Variants in CABCOCO1 observed in about 807,000 individuals in gnomAD.
CABCOCO1 encodes ciliary associated calcium binding coiled-coil 1.
A neutral mutation model predicts 35.7 loss-of-function variants in CABCOCO1; 28 were observed. The observed-to-expected ratio is 0.78, with a 90% confidence interval of 0.58 to 1.07. The LOEUF is 1.07. Ranked by LOEUF, CABCOCO1 falls within the 50% of genes least tolerant of loss-of-function variation. The pLI is 0.00. For synonymous variants in CABCOCO1, 95 were observed against 100.1 expected (o/e 0.95, Z 0.30); for missense variants, 326 against 309.2 (o/e 1.05, Z -0.41).
At chr10:61,748,371 A>T (rs1841710222) in intron 5 of CABCOCO1, among the ~76,000 whole-genome samples, 1 of 152,216 alleles carries the variant, frequency 6.6e-6, no homozygotes, top group Non-Finnish European at 1.5e-5. Context: ...TTACCCTCAG[A>T]GAGTTTTGTT....
chr10:61,742,418 C>A (rs1841569604), intron 5 of CABCOCO1, among the ~76,000 whole-genome samples: 1 of 152,068 alleles, frequency 6.6e-6, no homozygotes, highest in Admixed American at 6.6e-5. Context: ...ATGCAAGATG[C>A]TCCACCAGAA....
intron 5 of CABCOCO1, among the ~76,000 whole-genome samples, chr10:61,703,961 C>T (rs1840531469): frequency 6.6e-6 from 1 of 152,046 alleles, no homozygotes; most frequent in South Asian, 2.1e-4. Context: ...CCTGTAATCC[C>T]AGCACTTTGG....
intron 2 of CABCOCO1, among the ~76,000 whole-genome samples, chr10:61,679,036 T>C (rs976310558): frequency 2.6e-5 from 4 of 152,168 alleles, no homozygotes; most frequent in Admixed American, 2.6e-4. Context: ...TATTTTGATG[T>C]TAAGAATAAT....
chr10:61,664,826 G>T (rs545757589), intron 1 of CABCOCO1, among the ~76,000 whole-genome samples: 24 of 152,230 alleles, frequency 1.6e-4, no homozygotes, highest in East Asian at 5.8e-4. Flanking sequence ...CTGATTGGGG[G>T]TGTCGTATGT....
intron 5 of CABCOCO1, among the ~76,000 whole-genome samples, chr10:61,727,514 CT>C (rs1377065703): frequency 1.3e-5 from 2 of 152,074 alleles, no homozygotes; most frequent in African/African-American, 4.8e-5. Flanking sequence ...AATTTCTCTC[CT>C]GTAAAAGAAG....
At chr10:61,709,485 G>T (rs943867522) in intron 5 of CABCOCO1, among the ~76,000 whole-genome samples, 8 of 151,872 alleles carry the variant, frequency 5.3e-5, no homozygotes, top group African/African-American at 1.9e-4. Context: ...TTATGCCATA[G>T]CCATAAAAAC....
intron 5 of CABCOCO1, among the ~76,000 whole-genome samples, chr10:61,716,231 T>C (rs933674345): frequency 1.3e-5 from 2 of 152,276 alleles, no homozygotes; most frequent in Admixed American, 1.3e-4. Flanking sequence ...ATTACTGACA[T>C]ATCTTTGTTA....
chr10:61,706,180 C>A (rs1335024698), intron 5 of CABCOCO1, among the ~76,000 whole-genome samples: 1 of 152,086 alleles, frequency 6.6e-6, no homozygotes, highest in Non-Finnish European at 1.5e-5. Flanking sequence ...ACCCAAGAAC[C>A]CCATGATGTT....
intron 5 of CABCOCO1, among the ~76,000 whole-genome samples, chr10:61,712,048 G>A (rs1033425273): frequency 6.6e-6 from 1 of 152,072 alleles, no homozygotes; most frequent in East Asian, 1.9e-4. Flanking sequence ...GATCCTTGAG[G>A]AATCGCCACA....
chr10:61,678,549 T>C (rs1320174805), intron 2 of CABCOCO1, among the ~76,000 whole-genome samples: 1 of 152,088 alleles, frequency 6.6e-6, no homozygotes, highest in Non-Finnish European at 1.5e-5. Context: ...TTCACATATA[T>C]ATATATATGA....
At chr10:61,693,960 CAGAT>C (rs1440810680) in intron 5 of CABCOCO1, among the ~76,000 whole-genome samples, 2 of 151,880 alleles carry the variant, frequency 1.3e-5, no homozygotes, top group African/African-American at 4.8e-5. Flanking sequence ...TGCAGACAGA[CAGAT>C]AGAAAAACCA....
intron 5 of CABCOCO1, among the ~76,000 whole-genome samples, chr10:61,743,050 GC>G (rs1356391955): frequency 6.6e-6 from 1 of 152,120 alleles, no homozygotes; most frequent in African/African-American, 2.4e-5. Flanking sequence ...GCAGATTTTA[GC>G]TCAAAAATCA....
chr10:61,700,460 T>C lies in CABCOCO1; in HGVS notation c.552+9839T>C, dbSNP rs139373135. ...TCACCCTTTACAGTACTCAAAGCAA[T>C]GTAGATTCAACAAAAATCAAATTCT... On this transcript the variant is annotated intron_variant, in intron 5 of 7. Transcript: ENST00000648843. Among the ~76,000 whole-genome samples the C allele has an allele frequency of 4.6e-3, 697 of 152,162 alleles. 7 individuals are homozygous for C. Among genetic ancestry groups the C allele is most frequent in the African/African-American group, 0.015 (643 of 41,552 alleles).
intron 2 of CABCOCO1, among the ~76,000 whole-genome samples, chr10:61,678,500 A>G (rs1839594254): frequency 6.6e-6 from 1 of 152,098 alleles, no homozygotes; most frequent in Non-Finnish European, 1.5e-5. Context: ...CAACATAAAA[A>G]ACTGACCATA....
At chr10:61,741,569 G>A (rs1423113336) in intron 5 of CABCOCO1, among the ~76,000 whole-genome samples, 1 of 122,448 alleles carries the variant, frequency 8.2e-6, no homozygotes, top group African/African-American at 2.5e-5. Flanking sequence ...TCTATATGAT[G>A]TTACCAATAA....
chr10:61,700,660 C>A (rs1840424481), intron 5 of CABCOCO1, among the ~76,000 whole-genome samples: 1 of 151,656 alleles, frequency 6.6e-6, no homozygotes, highest in Admixed American at 6.6e-5. Context: ...GGATTTATCC[C>A]AAGTAGATAA....
At chr10:61,677,818 T>G (rs1203085306) in intron 2 of CABCOCO1, among the ~76,000 whole-genome samples, 57 of 143,286 alleles carry the variant, frequency 4.0e-4, no homozygotes, top group African/African-American at 9.2e-4. Context: ...GGTGTTTTTT[T>G]TTTTTTTTTT....
At chr10:61,739,542 A>G (rs1841497611) in intron 5 of CABCOCO1, among the ~76,000 whole-genome samples, 1 of 148,170 alleles carries the variant, frequency 6.7e-6, no homozygotes. Context: ...TTATAACAAC[A>G]TTTTGAAATG....
intron 2 of CABCOCO1, among the ~76,000 whole-genome samples, chr10:61,676,369 A>G (rs1037250318): frequency 3.3e-5 from 5 of 152,226 alleles, no homozygotes; most frequent in Admixed American, 2.0e-4. Context: ...TTTAAAATTA[A>G]AATTAAATCC....
Sources: allele counts gnomAD v4.1 joint callset (sites outside exome capture counted in the v4.1 genomes callset), GRCh38; gene constraint gnomAD v4.1.1; transcripts MANE v1.5; gene names NCBI Gene and HGNC (gene_info 2026-07-23, HGNC 2026-07-21).